The following ADAM7 variants were observed in gnomAD, a reference collection of about 807,000 sequenced individuals.
ADAM7 encodes the protein ADAM metallopeptidase domain 7, also known as disintegrin and metalloproteinase domain-containing protein 7.
A neutral mutation model predicts 102.9 loss-of-function variants in ADAM7; 97 were observed. That is an observed-to-expected ratio of 0.94 (90% confidence interval 0.80 to 1.12). ADAM7 has a LOEUF of 1.12. Among genes scored for constraint, ADAM7 ranks in the 50% most tolerant of loss-of-function variants. The pLI is 0.00. For synonymous variants in ADAM7, 334 were observed against 304.4 expected (o/e 1.10, Z -1.01); for missense variants, 991 against 908.7 (o/e 1.09, Z -1.16).
At chr8:24,487,839 C>A (rs1820197257) in intron 11 of ADAM7, among the ~76,000 whole-genome samples, 2 of 152,002 alleles carry the variant, frequency 1.3e-5, no homozygotes, top group East Asian at 3.9e-4. Flanking sequence ...GAGAGAAATC[C>A]CAAAACTTTC....
At chr8:24,474,521 T>C (rs1443907030) in intron 7 of ADAM7, among the ~76,000 whole-genome samples, 3 of 152,136 alleles carry the variant, frequency 2.0e-5, no homozygotes, top group Admixed American at 2.0e-4. Context: ...TCATCCATTT[T>C]CATTAGACAA....
chr8:24,489,327 T>TG lies in ADAM7; in HGVS notation c.1261dup (p.Ala421GlyfsTer6), dbSNP rs1820255163. On this transcript the variant is annotated frameshift_variant, in exon 12 of 22. Coordinates refer to ENST00000175238, the MANE Select transcript of ADAM7 (RefSeq NM_003817.4). LOFTEE classifies it high-confidence loss of function. ...AGGGTGAAGAGTGTGACTGTGGCCC[T>TG]GCTCAGGTATTTGCAAATGAAGCTA... The TG allele has an allele frequency of 1.2e-6, 2 of 1,606,406 alleles. No individual in the cohort carries two copies. The highest frequency in any genetic ancestry group is 1.7e-6 in the Non-Finnish European group (2 of 1,176,828).
chr8:24,442,251 A>G (rs554771030), intron 1 of ADAM7, among the ~76,000 whole-genome samples: 97 of 152,230 alleles, frequency 6.4e-4, no homozygotes, highest in African/African-American at 2.0e-3. Context: ...ATGGAGGGAC[A>G]CTGATTTCTT....
chr8:24,455,864 A>G lies in ADAM7; in HGVS notation c.234-8018A>G, dbSNP rs191663911. Among the ~76,000 whole-genome samples, 172 of 152,336 alleles carry G rather than the reference A, an allele frequency of 1.1e-3. 2 individuals are homozygous for G. Among genetic ancestry groups the G allele is most frequent in the South Asian group, 3.1e-3 (15 of 4,830 alleles). ...TTGTAATTTGACAAACTATGATTGTATATATTTATGGGGCCAAAGTGATGT... is the reference window on the plus strand; with the variant it reads ...TTGTAATTTGACAAACTATGATTGTGTATATTTATGGGGCCAAAGTGATGT... On this transcript the variant is annotated intron_variant, in intron 3 of 21. Transcript: ENST00000175238.
intron 10 of ADAM7, among the ~76,000 whole-genome samples, chr8:24,486,106 G>A (rs555828078): frequency 2.0e-5 from 3 of 152,194 alleles, no homozygotes; most frequent in East Asian, 3.9e-4. Context: ...GATATATGCT[G>A]TTAGATTATT....
At chr8:24,504,668 C>T (rs1040205182) in intron 20 of ADAM7, among the ~76,000 whole-genome samples, 7 of 152,010 alleles carry the variant, frequency 4.6e-5, no homozygotes, top group East Asian at 1.9e-4. Flanking sequence ...GGTCTGGTTA[C>T]GTAGTTCCAG....
chr8:24,488,623 G>A (rs1820227230), intron 11 of ADAM7, among the ~76,000 whole-genome samples: 1 of 152,062 alleles, frequency 6.6e-6, no homozygotes, highest in Non-Finnish European at 1.5e-5. Context: ...ATAATGTTAA[G>A]GAAGTCAGAA....
intron 3 of ADAM7, among the ~76,000 whole-genome samples, chr8:24,462,297 C>G (rs954979300): frequency 9.2e-5 from 14 of 152,184 alleles, no homozygotes; most frequent in African/African-American, 3.4e-4. Flanking sequence ...GTTTACAGAA[C>G]TGAGGATTCT....
At chr8:24,477,708 TGC>T (rs1819815370) in intron 8 of ADAM7, among the ~76,000 whole-genome samples, 1 of 152,092 alleles carries the variant, frequency 6.6e-6, no homozygotes, top group East Asian at 1.9e-4. Context: ...ATATTTCTTC[TGC>T]CTTGTTATCT....
chr8:24,501,526 G>A lies in ADAM7; in HGVS notation c.2158G>A (p.Glu720Lys). Residue 720 changes from glutamate (E) to lysine (K), a missense_variant, in exon 20 of 22, where the codon GAG (glutamate) becomes AAG (lysine). By Grantham distance (56) the Glu-to-Lys change is moderately conservative. Coordinates refer to ENST00000175238, the MANE Select transcript of ADAM7 (RefSeq NM_003817.4). ...GVENKGYFGD[E>K]QQIRTEPILP... ...GGAGAACAAAGGATACTTTGGTGAT[G>A]AGCAGCAGATAAGGACTGAGCCAAT... The A allele has an allele frequency of 1.2e-6, 2 of 1,609,052 alleles. No individual in the cohort carries two copies. Among genetic ancestry groups the A allele is most frequent in the Non-Finnish European group, 1.7e-6 (2 of 1,178,336 alleles).
intron 3 of ADAM7, among the ~76,000 whole-genome samples, chr8:24,452,464 G>T (rs1412176441): frequency 6.6e-6 from 1 of 151,100 alleles, no homozygotes; most frequent in Non-Finnish European, 1.5e-5. Context: ...CAGAGACTAG[G>T]ATTGCAACCC....
At chr8:24,445,324 T>A (rs1181839135) in intron 2 of ADAM7, among the ~76,000 whole-genome samples, 1 of 152,196 alleles carries the variant, frequency 6.6e-6, no homozygotes, top group Non-Finnish European at 1.5e-5. Flanking sequence ...AATTTTATTG[T>A]TCAACTTGCA....
Position 24,492,083 on chromosome 8 carries a change from G to A in ADAM7, c.1537G>A (p.Glu513Lys). The A allele has an allele frequency of 1.2e-6, 2 of 1,612,416 alleles. No individual in the cohort carries two copies. The highest frequency in any genetic ancestry group is 1.7e-6 in the Non-Finnish European group (2 of 1,179,314). Residue 513 changes from glutamate to lysine, a missense_variant, in exon 14 of 22, where the codon GAA becomes AAA. Physicochemically the swap from Glu to Lys is moderately conservative, Grantham distance 56. Transcript: ENST00000175238. ...KCPTREDQCSELFDDEAIESH... is the reference protein window; with the variant it reads ...KCPTREDQCSKLFDDEAIESH... ...TCCAACTCGTGAGGATCAGTGCTCT[G>A]AACTATTTGATGATGGTGAGAGATA...
In ADAM7 at chr8:24,492,021, G is replaced by C; in HGVS notation, c.1475G>C (p.Cys492Ser). 4 of 1,613,998 alleles carry C rather than the reference G, an allele frequency of 2.5e-6. No homozygotes were observed. The highest frequency in any genetic ancestry group is 3.4e-6 in the Non-Finnish European group (4 of 1,179,894). The change falls in exon 14 of 22, where the codon TGC becomes TCC. Residue 492 changes from cysteine (C) to serine (S), a missense_variant. Cys to Ser is a moderately radical substitution (Grantham distance 112). Coordinates refer to ENST00000175238, the MANE Select transcript of ADAM7 (RefSeq NM_003817.4). ...CAGTTCAGGGTCAATGGATTTCCTT[G>C]CAAGAACTCAGAAGGCTACTGTTTC... is the stretch of plus-strand genomic sequence containing the variant. The part of the protein sequence containing the change: ...KDQFRVNGFP[C>S]KNSEGYCFMG...
Position 24,493,075 on chromosome 8 carries a change from G to A in ADAM7, c.1688G>A (p.Gly563Glu). The A allele has an allele frequency of 6.2e-7, 1 of 1,608,678 alleles. No individual in the cohort carries two copies. Among genetic ancestry groups the A allele is most frequent in the Non-Finnish European group, 8.5e-7 (1 of 1,177,878 alleles). Residue 563 changes from glycine (G) to glutamate (E), a missense_variant, in exon 16 of 22, where the codon GGA becomes GAA. Coordinates refer to ENST00000175238, the MANE Select transcript of ADAM7 (RefSeq NM_003817.4). ...AGATGTGGAAAGATCTACTGCACTG[G>A]AGGGGAGCTTTCCTCTCTCCTTGGA... Reference protein sequence around the residue: ...DVRCGKIYCTGGELSSLLGED... With the variant: ...DVRCGKIYCTEGELSSLLGED...
chr8:24,506,031 G>T (rs1008182954), intron 20 of ADAM7: 1 of 1,224,162 alleles, frequency 8.2e-7, no homozygotes, highest in African/African-American at 1.5e-5. Flanking sequence ...TTATGTCTGG[G>T]TCTTTCAGTA....
chr8:24,506,045 G>C (rs781542700), intron 20 of ADAM7: 21 of 1,343,392 alleles, frequency 1.6e-5, no homozygotes, highest in Non-Finnish European at 2.2e-5. Flanking sequence ...TTCAGTATTG[G>C]TATATTTACT....
chr8:24,497,228 TG>T (rs1233232887), intron 16 of ADAM7, among the ~76,000 whole-genome samples: 1 of 152,344 alleles, frequency 6.6e-6, no homozygotes, highest in East Asian at 1.9e-4. Flanking sequence ...CCCAGCCACG[TG>T]GAACTGTAAG....
At chr8:24,475,448 T>C (rs1366658821) in intron 7 of ADAM7, among the ~76,000 whole-genome samples, 4 of 151,990 alleles carry the variant, frequency 2.6e-5, no homozygotes, top group African/African-American at 9.7e-5. Context: ...AAACAGAAAA[T>C]AGTCAACATT....
Sources: gnomAD v4.1 joint callset for allele counts (sites outside exome capture counted in the v4.1 genomes callset) on GRCh38, gnomAD v4.1.1 for gene constraint, MANE v1.5 for transcripts, NCBI Gene and HGNC (gene_info 2026-07-23, HGNC 2026-07-21) for gene names.